GPR141: variants seen among roughly 807,000 people sequenced by gnomAD.
GPR141 encodes the protein G protein-coupled receptor 141.
In GPR141, 6 loss-of-function variants were observed where a neutral mutation model predicts 6.8. The ratio of observed to expected loss-of-function variants is 0.88; its 90% CI spans 0.48 to 1.74. The LOEUF is 1.74. Among genes scored for constraint, GPR141 ranks in the 40% most tolerant of loss-of-function variants. GPR141 has a pLI of 0.01. For missense variants in GPR141, 372 were observed against 372.9 expected, an observed-to-expected ratio of 1.00 and a Z score of 0.02; for synonymous variants, 140 against 142.3, an observed-to-expected ratio of 0.98 and a Z score of 0.11.
At chr7:37,693,081 G>A (rs557616528) in intron 2 of GPR141, among the ~76,000 whole-genome samples, 1 of 152,250 alleles carries the variant, frequency 6.6e-6, no homozygotes, top group Non-Finnish European at 1.5e-5. Context: ...CTTTGCCCAT[G>A]CCTATGTCCT....
rs1259552604 is a variant in GPR141 at position 37,743,481 on chromosome 7, C to G, written c.*2170C>G. Among the ~76,000 whole-genome samples, 1 of 151,084 alleles carries G rather than the reference C, an allele frequency of 6.6e-6. No individual in the cohort carries two copies. Among genetic ancestry groups the G allele is most frequent in the South Asian group, 2.1e-4 (1 of 4,772 alleles). ...ACATTTTTTCTTTCTCATTTTGAACCATAAAATTTGTAAGACCGTTACTAA... is the reference window on the plus strand; with the variant it reads ...ACATTTTTTCTTTCTCATTTTGAACGATAAAATTTGTAAGACCGTTACTAA... On this transcript the variant is annotated 3_prime_UTR_variant, in exon 3 of 3. Coordinates refer to ENST00000334425, the MANE Select transcript of GPR141 (RefSeq NM_001381946.1).
chr7:37,707,372 C>T (rs2131775645), intron 2 of GPR141, among the ~76,000 whole-genome samples: 1 of 152,216 alleles, frequency 6.6e-6, no homozygotes, highest in East Asian at 1.9e-4. Context: ...GTATATATCC[C>T]ACTGTACTCT....
chr7:37,702,569 G>A (rs12673355), intron 2 of GPR141, among the ~76,000 whole-genome samples: 20,995 of 151,304 alleles, frequency 0.14, 1,780 homozygotes, highest in South Asian at 0.26. Context: ...CACATATCTC[G>A]GAACACATAG....
At chr7:37,703,633 AG>A (rs1810393860) in intron 2 of GPR141, among the ~76,000 whole-genome samples, 1 of 152,240 alleles carries the variant, frequency 6.6e-6, no homozygotes, top group South Asian at 2.1e-4. Context: ...TATAAATTCA[AG>A]AAAGTTTCTT....
rs1295684263 is a variant in GPR141, at chr7:37,742,242, T to TTATA, written c.*943_*946dup. On this transcript the variant is annotated 3_prime_UTR_variant, in exon 3 of 3. Coordinates refer to ENST00000334425, the MANE Select transcript of GPR141 (RefSeq NM_001381946.1). ...TTAGAGCTCCCTTCCGCCGTTAAAATTATATATATATATATTTAAATTATA... is the reference window on the plus strand; with the variant it reads ...TTAGAGCTCCCTTCCGCCGTTAAAATTATATATATATATATATATTTAAATTATA... Among the ~76,000 whole-genome samples the TTATA allele has an allele frequency of 6.6e-6, 1 of 151,098 alleles. No homozygotes were observed. Among genetic ancestry groups the TTATA allele is most frequent in the Non-Finnish European group, 1.5e-5 (1 of 67,742 alleles).
rs532231452 is a variant in GPR141 at position 37,727,691 on chromosome 7, A to C, written c.-14-12689A>C. ...TTTCTTTTCCAAGCCCAGACTCTTC[A>C]ATTTTTGTTTAATTTGGGGGCAAGC... On this transcript the variant is annotated intron_variant, in intron 2 of 2. Coordinates refer to ENST00000334425, the MANE Select transcript of GPR141 (RefSeq NM_001381946.1). 3.9e-5 allele frequency among the ~76,000 whole-genome samples: 6 copies of C among 152,224 alleles called. No homozygotes were observed. In the South Asian group the frequency reaches 1.2e-3, roughly 32 times the overall value.
intron 2 of GPR141, among the ~76,000 whole-genome samples, chr7:37,711,552 T>C (rs934595837): frequency 6.6e-5 from 10 of 152,226 alleles, no homozygotes; most frequent in African/African-American, 2.4e-4. Flanking sequence ...TTTTTCATCA[T>C]AGGTTCATTC....
At chr7:37,730,909 C>T (rs1328050600) in intron 2 of GPR141, among the ~76,000 whole-genome samples, 1 of 152,218 alleles carries the variant, frequency 6.6e-6, no homozygotes, top group African/African-American at 2.4e-5. Flanking sequence ...TTTGAACTTT[C>T]CATTTTGTGA....
intron 2 of GPR141, among the ~76,000 whole-genome samples, chr7:37,720,600 G>A (rs1451033346): frequency 6.6e-6 from 1 of 152,082 alleles, no homozygotes; most frequent in Non-Finnish European, 1.5e-5. Flanking sequence ...AATTAGCCAG[G>A]GGTGGTGGTG....
chr7:37,731,325 G>C (rs982619632), intron 2 of GPR141, among the ~76,000 whole-genome samples: 9 of 152,344 alleles, frequency 5.9e-5, no homozygotes, highest in Admixed American at 2.0e-4. Context: ...AGCTCTGCTG[G>C]TCGGGCACTG....
At chr7:37,696,343 C>A (rs181243117) in intron 2 of GPR141, among the ~76,000 whole-genome samples, 1 of 152,096 alleles carries the variant, frequency 6.6e-6, no homozygotes, top group African/African-American at 2.4e-5. Context: ...TTTCAACTTA[C>A]GATGAGTTTT....
At chr7:37,715,792 C>A (rs1473483134) in intron 2 of GPR141, among the ~76,000 whole-genome samples, 4 of 152,166 alleles carry the variant, frequency 2.6e-5, no homozygotes, top group Non-Finnish European at 2.9e-5. Context: ...TAAATATTGA[C>A]CTCTGTTATG....
Position 37,740,597 on chromosome 7 carries a change from AGTG to A in GPR141, c.205_207del (p.Val69del). Reference sequence around the variant, plus strand: ...TGGTCCACAGCGTTTTTCTGCTGACAGTGCCATTTCGCTTGACCTACCTCATCA... The same window carrying A: ...TGGTCCACAGCGTTTTTCTGCTGACACCATTTCGCTTGACCTACCTCATCA... On this transcript the variant is annotated inframe_deletion, in exon 3 of 3. Coordinates refer to ENST00000334425, the MANE Select transcript of GPR141 (RefSeq NM_001381946.1). The A allele has an allele frequency of 6.2e-7, 1 of 1,614,108 alleles. No homozygotes were observed. Among genetic ancestry groups the A allele is most frequent in the Non-Finnish European group, 8.5e-7 (1 of 1,179,994 alleles).
intron 2 of GPR141, among the ~76,000 whole-genome samples, chr7:37,698,903 G>A (rs879581715): frequency 2.6e-5 from 4 of 152,160 alleles, no homozygotes; most frequent in Admixed American, 1.3e-4. Context: ...TGTATCCTAC[G>A]TCAAGATAAA....
intron 2 of GPR141, among the ~76,000 whole-genome samples, chr7:37,737,929 A>G (rs1812326546): frequency 6.6e-6 from 1 of 152,228 alleles, no homozygotes; most frequent in South Asian, 2.1e-4. Flanking sequence ...AAAAGAGAGA[A>G]AAGCACCTTT....
At chr7:37,692,074 G>A (rs967448570) in intron 2 of GPR141, among the ~76,000 whole-genome samples, 4 of 151,992 alleles carry the variant, frequency 2.6e-5, no homozygotes, top group African/African-American at 9.7e-5. Context: ...ATATGCATGT[G>A]CCATGGTGGT....
At chr7:37,685,938 C>T (rs1239248272) in intron 2 of GPR141, among the ~76,000 whole-genome samples, 1 of 151,912 alleles carries the variant, frequency 6.6e-6, no homozygotes, top group Non-Finnish European at 1.5e-5. Context: ...TGTGCTAGCA[C>T]TATAAGAGAC....
At chr7:37,706,004 A>G (rs770159884) in intron 2 of GPR141, among the ~76,000 whole-genome samples, 27 of 152,198 alleles carry the variant, frequency 1.8e-4, no homozygotes, top group Admixed American at 3.3e-4. Flanking sequence ...AGGAAATGCG[A>G]GAATCTTTGG....
intron 2 of GPR141, among the ~76,000 whole-genome samples, chr7:37,695,896 A>G (rs892128136): frequency 3.3e-5 from 5 of 152,152 alleles, no homozygotes; most frequent in Non-Finnish European, 5.9e-5. Context: ...TCTCTATTCT[A>G]CTTTCAGTCT....
Sources: gnomAD v4.1 joint callset for allele counts (sites outside exome capture counted in the v4.1 genomes callset) on GRCh38, gnomAD v4.1.1 for gene constraint, MANE v1.5 for transcripts, NCBI Gene and HGNC (gene_info 2026-07-23, HGNC 2026-07-21) for gene names.